The following PARP8 variants were observed in gnomAD, a reference collection of about 807,000 sequenced individuals.
The protein encoded by PARP8 is poly(ADP-ribose) polymerase family member 8.
Under a neutral mutation model 124.1 loss-of-function variants are expected in PARP8, and 51 were observed. The observed-to-expected ratio is 0.41, with a 90% CI of 0.33 to 0.52. The LOEUF (loss-of-function observed/expected upper bound fraction) is 0.52, where lower values mean the gene tolerates loss of function less well. PARP8 is among the 20% of genes least tolerant of loss of function. PARP8 has a pLI of 0.21. For missense variants in PARP8, 860 were observed against 1,018.9 expected, an observed-to-expected ratio of 0.84 and a Z score of 2.12; for synonymous variants, 391 against 361.5, an observed-to-expected ratio of 1.08 and a Z score of -0.93.
intron 2 of PARP8, among the ~76,000 whole-genome samples, chr5:50,707,668 T>C (rs1003662761): frequency 2.8e-5 from 4 of 144,600 alleles, no homozygotes; most frequent in African/African-American, 1.0e-4. Context: ...AGAGAGAAAA[T>C]GCCAGTATTA....
chr5:50,829,696 A>G (rs1746733353), intron 21 of PARP8, among the ~76,000 whole-genome samples, 196 bp from the exon 22 acceptor site: 1 of 152,194 alleles, frequency 6.6e-6, no homozygotes, highest in Non-Finnish European at 1.5e-5. Context: ...AACATTTATC[A>G]AGAATATTTT....
chr5:50,682,043 AGTT>A (rs2149446880), intron 2 of PARP8, among the ~76,000 whole-genome samples: 1 of 152,264 alleles, frequency 6.6e-6, no homozygotes, highest in African/African-American at 2.4e-5. Flanking sequence ...CTTAATGTGT[AGTT>A]ACTATTATTT....
intron 2 of PARP8, among the ~76,000 whole-genome samples, chr5:50,747,610 C>T (rs1758732959): frequency 6.6e-6 from 1 of 151,958 alleles, no homozygotes; most frequent in Non-Finnish European, 1.5e-5. Flanking sequence ...GACGAACTGA[C>T]ACGTTTATCA....
At chr5:50,826,172 T>C (rs1310606506) in intron 18 of PARP8, among the ~76,000 whole-genome samples, 2 of 152,102 alleles carry the variant, frequency 1.3e-5, no homozygotes, top group Non-Finnish European at 2.9e-5. Context: ...TCTTTCAAGA[T>C]GAAGAGAGTC....
At chr5:50,718,581 T>C (rs1176120128) in intron 2 of PARP8, among the ~76,000 whole-genome samples, 2 of 152,032 alleles carry the variant, frequency 1.3e-5, no homozygotes, top group African/African-American at 4.8e-5. Flanking sequence ...TTTGCCTTTC[T>C]GTGACTGGCT....
At chr5:50,835,369 G>A (rs1303574791) in intron 25 of PARP8, among the ~76,000 whole-genome samples, 9 of 151,714 alleles carry the variant, frequency 5.9e-5, no homozygotes, top group East Asian at 5.8e-4. Flanking sequence ...ATGGTGAAAC[G>A]CTATCTCTAC....
Position 50,824,467 on chromosome 5 carries a change from A to T in PARP8, c.1861-441A>T, listed in dbSNP as rs143197374. Among the ~76,000 whole-genome samples, 15 of 152,306 alleles carry T rather than the reference A, an allele frequency of 9.8e-5. No homozygotes were observed. The East Asian group carries it at 2.7e-3, about 27-fold the overall frequency. On this transcript the variant is annotated intron_variant, in intron 17 of 25. Coordinates refer to ENST00000281631, the MANE Select transcript of PARP8 (RefSeq NM_024615.4). ...TAAGTGAAAAGGCAAGGAAAAGAAG[A>T]TGGGACTAGAGGAGTTATGTAAAAA...
chr5:50,680,390 C>A (rs1416418018), intron 2 of PARP8, among the ~76,000 whole-genome samples: 1 of 152,022 alleles, frequency 6.6e-6, no homozygotes, highest in Non-Finnish European at 1.5e-5. Flanking sequence ...CATTTGTAAA[C>A]CGTTTGTGGT....
At position 50,771,116 on chromosome 5, in the gene PARP8, T is replaced by C. The variant is rs567484997; in HGVS notation, c.519-6953T>C. Among the ~76,000 whole-genome samples, 178 of 150,066 alleles carry C rather than the reference T, an allele frequency of 1.2e-3. 1 individual carries two copies. The highest frequency in any genetic ancestry group is 1.5e-3 in the Admixed American group (22 of 15,066). On this transcript the variant is annotated intron_variant, in intron 7 of 25. Transcript: ENST00000281631. ...TGCTCTCTCTCTCTATATATATATATACACACACACATATATATACACATA... is the reference window on the plus strand; with the variant it reads ...TGCTCTCTCTCTCTATATATATATACACACACACACATATATATACACATA...
chr5:50,774,621 T>C (rs1165935096), intron 7 of PARP8, among the ~76,000 whole-genome samples: 11 of 122,622 alleles, frequency 9.0e-5, no homozygotes, highest in African/African-American at 1.3e-4. Flanking sequence ...GAGGCGCTCC[T>C]CACTTCCCAG....
intron 14 of PARP8, among the ~76,000 whole-genome samples, chr5:50,811,505 T>C (rs550574239): frequency 1.3e-5 from 2 of 152,250 alleles, no homozygotes; most frequent in East Asian, 1.9e-4. Flanking sequence ...GCATTTTTCC[T>C]TTTCTTTGAA....
chr5:50,831,539 T>C (rs1746986896), intron 22 of PARP8, among the ~76,000 whole-genome samples: 1 of 152,088 alleles, frequency 6.6e-6, no homozygotes, highest in South Asian at 2.1e-4. Flanking sequence ...ACCGTAGAGA[T>C]AGGAAATGGA....
intron 4 of PARP8, 32 bp downstream of exon 4, chr5:50,759,764 A>C (rs1420549125): frequency 6.6e-7 from 1 of 1,525,228 alleles, no homozygotes; most frequent in Admixed American, 2.5e-5. Context: ...ATACTAGGTT[A>C]ATTTTTTAAA....
At chr5:50,702,806 G>A (rs963002452) in intron 2 of PARP8, among the ~76,000 whole-genome samples, 4 of 152,254 alleles carry the variant, frequency 2.6e-5, no homozygotes, top group Non-Finnish European at 4.4e-5. Flanking sequence ...AGGTAAACAC[G>A]TCCGTTACAC....
At chr5:50,834,447 G>A (rs1238972613) in intron 24 of PARP8, among the ~76,000 whole-genome samples, 2 of 152,134 alleles carry the variant, frequency 1.3e-5, no homozygotes, top group East Asian at 3.9e-4. Context: ...TTCCTGCACT[G>A]AAATTATTAT....
Position 50,794,283 on chromosome 5 carries a change from T to C in PARP8, c.814T>C (p.Ser272Pro). 1.2e-6 allele frequency: 2 copies of C among 1,613,690 alleles called. No homozygotes were observed. The highest frequency in any genetic ancestry group is 1.7e-6 in the Non-Finnish European group (2 of 1,179,728). ...KSNCLHNKKL[S>P]EKKVKSPLHL... is the part of the protein sequence containing the mutation. ...CAATTGCCTGCACAATAAAAAGTTGTCAGAGAAGAAAGTGAAGTCTCCCCT... is the reference window on the plus strand; with the variant it reads ...CAATTGCCTGCACAATAAAAAGTTGCCAGAGAAGAAAGTGAAGTCTCCCCT... The change falls in exon 11 of 26, where the codon TCA becomes CCA. Residue 272 changes from serine to proline, a missense_variant. Transcript: ENST00000281631.
chr5:50,769,882 G>T (rs1455077013), intron 7 of PARP8, among the ~76,000 whole-genome samples: 1 of 151,896 alleles, frequency 6.6e-6, no homozygotes, highest in Non-Finnish European at 1.5e-5. Flanking sequence ...TTTATATAAT[G>T]AGCCTGTATT....
chr5:50,782,313 A>G (rs766743775), intron 9 of PARP8, among the ~76,000 whole-genome samples: 1 of 152,046 alleles, frequency 6.6e-6, no homozygotes, highest in East Asian at 1.9e-4. Flanking sequence ...GTTTTCTCCT[A>G]TTTCTGTTAG....
At chr5:50,750,091 T>A (rs1406353509) in intron 2 of PARP8, 60 bp from the exon 3 acceptor site, 11 of 1,338,922 alleles carry the variant, frequency 8.2e-6, no homozygotes, top group South Asian at 2.4e-5. Flanking sequence ...GTCTTTTTTT[T>A]ATAAAAGCCT....
Sources: allele counts gnomAD v4.1 joint callset (sites outside exome capture counted in the v4.1 genomes callset), GRCh38; gene constraint gnomAD v4.1.1; transcripts MANE v1.5; gene names NCBI Gene and HGNC (gene_info 2026-07-23, HGNC 2026-07-21).